CTNND2: variants seen among roughly 807,000 people sequenced by gnomAD.
CTNND2 encodes catenin delta 2.
CTNND2 carries 22 observed loss-of-function variants against 144.4 expected under a neutral mutation model. The observed-to-expected ratio is 0.15, with a 90% confidence interval of 0.11 to 0.22. CTNND2 has a LOEUF of 0.22. CTNND2 is among the 10% of genes least tolerant of loss of function. The pLI, the probability that CTNND2 is intolerant of heterozygous loss-of-function variation, is 1.00. For missense variants in CTNND2, 1,353 were observed against 1,618.8 expected, an observed-to-expected ratio of 0.84 and a Z score of 2.82; for synonymous variants, 751 against 695.6, an observed-to-expected ratio of 1.08 and a Z score of -1.25.
At chr5:11,768,971 GA>G (rs1459964894) in intron 1 of CTNND2, among the ~76,000 whole-genome samples, 1 of 152,186 alleles carries the variant, frequency 6.6e-6, no homozygotes, top group Non-Finnish European at 1.5e-5. Flanking sequence ...TAAGGGGAAA[GA>G]AGATAGTTTT....
intron 1 of CTNND2, among the ~76,000 whole-genome samples, chr5:11,795,684 A>T (rs73052783): frequency 0.019 from 2,913 of 152,340 alleles, 91 homozygotes; most frequent in African/African-American, 0.063. Context: ...GGAAGAAGAC[A>T]AAGATTTCTT....
intron 1 of CTNND2, among the ~76,000 whole-genome samples, chr5:11,732,701 C>G (rs1787459208): frequency 6.6e-6 from 1 of 152,066 alleles, no homozygotes; most frequent in Non-Finnish European, 1.5e-5. Context: ...TCCTTGGTTC[C>G]TGGCTCATAT....
chr5:11,059,398 T>C (rs1339330247), intron 16 of CTNND2, among the ~76,000 whole-genome samples: 1 of 152,220 alleles, frequency 6.6e-6, no homozygotes, highest in Non-Finnish European at 1.5e-5. Flanking sequence ...TCTCTCTCTT[T>C]GCCTGCTGCC....
At chr5:11,823,826 A>T (rs2126946750) in intron 1 of CTNND2, among the ~76,000 whole-genome samples, 1 of 152,234 alleles carries the variant, frequency 6.6e-6, no homozygotes, top group South Asian at 2.1e-4. Context: ...TGTGAAGCTC[A>T]GCTGGGCACA....
At chr5:11,575,582 T>C (rs1418317960) in intron 2 of CTNND2, among the ~76,000 whole-genome samples, 1 of 152,220 alleles carries the variant, frequency 6.6e-6, no homozygotes, top group Non-Finnish European at 1.5e-5. Context: ...ATGATGTTTA[T>C]CCTTTCTTAC....
chr5:11,049,979 G>A (rs2149580384), intron 16 of CTNND2, among the ~76,000 whole-genome samples: 1 of 152,300 alleles, frequency 6.6e-6, no homozygotes, highest in Non-Finnish European at 1.5e-5. Context: ...TCATAGTAGT[G>A]CCCAACCAAT....
chr5:11,470,974 ATATATATTTTTT>A (rs552790980), intron 3 of CTNND2, among the ~76,000 whole-genome samples: 1,673 of 98,084 alleles, frequency 0.017, 54 homozygotes, highest in African/African-American at 0.081. Context: ...ATATATATAT[ATATATATTTTTT>A]TTTTTTTTTT....
chr5:11,872,729 G>GT (rs1159821472), intron 1 of CTNND2, among the ~76,000 whole-genome samples: 6 of 151,892 alleles, frequency 4.0e-5, no homozygotes, highest in African/African-American at 1.2e-4. Context: ...TGATGGGGTT[G>GT]TTTTTTTTCT....
chr5:11,436,298 C>T (rs138938001), intron 3 of CTNND2, among the ~76,000 whole-genome samples: 1 of 152,058 alleles, frequency 6.6e-6, no homozygotes, highest in Non-Finnish European at 1.5e-5. Context: ...ATCTCACTAT[C>T]CCTGGAAGTA....
chr5:11,729,732 T>G (rs1026251848), intron 2 of CTNND2, among the ~76,000 whole-genome samples: 25 of 152,216 alleles, frequency 1.6e-4, no homozygotes, highest in Non-Finnish European at 2.6e-4. Flanking sequence ...TTGAACATTT[T>G]AAATGTCAAT....
intron 18 of CTNND2, among the ~76,000 whole-genome samples, chr5:11,008,663 C>A (rs573091626): frequency 6.6e-6 from 1 of 152,278 alleles, no homozygotes; most frequent in Non-Finnish European, 1.5e-5. Flanking sequence ...AGTCTTAGAC[C>A]TTCCACTCGG....
chr5:11,655,060 C>T (rs1397151659), intron 2 of CTNND2, among the ~76,000 whole-genome samples: 2 of 151,958 alleles, frequency 1.3e-5, no homozygotes, highest in African/African-American at 4.8e-5. Context: ...TAATTCTAAT[C>T]GTTTATCAGT....
intron 16 of CTNND2, among the ~76,000 whole-genome samples, chr5:11,077,297 G>A (rs1241462425): frequency 6.6e-6 from 1 of 152,152 alleles, no homozygotes; most frequent in Non-Finnish European, 1.5e-5. Flanking sequence ...ATATTAGAAG[G>A]TAATTGGGGC....
intron 2 of CTNND2, among the ~76,000 whole-genome samples, chr5:11,673,360 A>C (rs1323119841): frequency 2.6e-5 from 4 of 152,238 alleles, no homozygotes; most frequent in African/African-American, 7.2e-5. Flanking sequence ...ATTATTACGC[A>C]GATGAATATC....
At chr5:10,998,642 C>T (rs116806141) in intron 18 of CTNND2, among the ~76,000 whole-genome samples, 14 of 152,314 alleles carry the variant, frequency 9.2e-5, no homozygotes, top group African/African-American at 3.4e-4. Context: ...AGTTGGCCCT[C>T]TGTATCTGTG....
intron 3 of CTNND2, among the ~76,000 whole-genome samples, chr5:11,456,265 C>A (rs1489822500): frequency 6.6e-6 from 1 of 150,712 alleles, no homozygotes; most frequent in Non-Finnish European, 1.5e-5. Context: ...GTCAAGGAGA[C>A]AATGTTGGTT....
chr5:11,433,277 A>T (rs990351465), intron 3 of CTNND2, among the ~76,000 whole-genome samples: 2 of 152,188 alleles, frequency 1.3e-5, no homozygotes, highest in African/African-American at 2.4e-5. Context: ...TTACTTATTT[A>T]CTATAACATA....
In CTNND2 at chr5:11,183,701, G is replaced by A. The variant is rs576751250; in HGVS notation, c.1975+15747C>T. Among the ~76,000 whole-genome samples the A allele has an allele frequency of 2.0e-5, 3 of 152,166 alleles. No individual in the cohort carries two copies. In the South Asian group the frequency reaches 6.3e-4, roughly 32 times the overall value. The stretch of plus-strand genomic sequence containing the variant: ...GCCTCCTGACTAGCTGAGATTACAG[G>A]TGCCTGCCACCGTGCCTGGCTAATT... On this transcript the variant is annotated intron_variant, in intron 11 of 21. Transcript: ENST00000304623.
intron 1 of CTNND2, among the ~76,000 whole-genome samples, chr5:11,789,695 GC>G (rs1791030454): frequency 6.6e-6 from 1 of 151,948 alleles, no homozygotes; most frequent in South Asian, 2.1e-4. Flanking sequence ...CATATTTCTT[GC>G]TTCCAAATCT....
Sources: allele counts gnomAD v4.1 joint callset (sites outside exome capture counted in the v4.1 genomes callset), GRCh38; gene constraint gnomAD v4.1.1; transcripts MANE v1.5; gene names NCBI Gene and HGNC (gene_info 2026-07-23, HGNC 2026-07-21).